Variants in SPG7 observed in about 807,000 individuals in gnomAD.
The protein encoded by SPG7 is mitochondrial inner membrane m-AAA protease component paraplegin.
Under a neutral mutation model 81.9 loss-of-function variants are expected in SPG7, and 103 were observed. That is an observed-to-expected ratio of 1.26 (90% CI 1.07 to 1.48). The LOEUF is 1.48. SPG7 is among the 40% of genes most tolerant of loss of function. SPG7 has a pLI of 0.00. For synonymous variants in SPG7, 534 were observed against 444.2 expected, an observed-to-expected ratio of 1.20 and a Z score of -2.54; for missense variants, 1,241 against 1,087.3, an observed-to-expected ratio of 1.14 and a Z score of -1.99.
At position 89,529,472 on chromosome 16, in the gene SPG7, G is replaced by C. The variant is rs376467458; in HGVS notation, c.759-5G>C. On this transcript the variant is annotated splice_polypyrimidine_tract_variant and splice_region_variant and intron_variant, in intron 5 of 16. Coordinates refer to ENST00000645818, the MANE Select transcript of SPG7 (RefSeq NM_003119.4). ...GCCTGTGCCTGCCTCTCTTTCTTCCGGCAGTGCCCTGTACTCTGTGGGGAT... is the reference window on the plus strand; with the variant it reads ...GCCTGTGCCTGCCTCTCTTTCTTCCCGCAGTGCCCTGTACTCTGTGGGGAT... The C allele has an allele frequency of 6.2e-7, 1 of 1,607,232 alleles. No individual in the cohort carries two copies. The highest frequency in any genetic ancestry group is 1.7e-4 in the Middle Eastern group (1 of 5,892).
chr16:89,537,133 C>G, intron 9 of SPG7: 1 of 1,468,544 alleles, frequency 6.8e-7, no homozygotes, highest in Non-Finnish European at 9.0e-7. Flanking sequence ...CTGCCGAGGT[C>G]CCAGGCCAGG....
chr16:89,538,932 G>A (rs2152406888), intron 9 of SPG7: 1 of 150,384 alleles, frequency 6.6e-6, no homozygotes, highest in South Asian at 2.1e-4. Context: ...AGGTCCCAGT[G>A]ATGGTGGACC....
chr16:89,523,909 T>A (rs775005210), intron 3 of SPG7, 97 bp from the exon 4 acceptor site: 1 of 1,494,118 alleles, frequency 6.7e-7, no homozygotes, highest in East Asian at 2.3e-5. Context: ...ACGCTGCCCC[T>A]CCCCGTCCAG....
intron 7 of SPG7, 174 bp from the exon 8 acceptor site, chr16:89,531,730 C>G: frequency 1.5e-6 from 1 of 669,036 alleles, no homozygotes; most frequent in Non-Finnish European, 2.7e-6. Flanking sequence ...ATATTCCCAG[C>G]TACTCGAGAG....
intron 14 of SPG7, 161 bp downstream of exon 14, chr16:89,553,296 C>G: frequency 1.3e-6 from 1 of 770,450 alleles, no homozygotes; most frequent in Non-Finnish European, 2.2e-6. Context: ...AGAGTTGGAG[C>G]TAAGCAAGAC....
intron 6 of SPG7, chr16:89,530,142 CTT>C (rs1040551166): frequency 1.3e-4 from 32 of 244,172 alleles, no homozygotes; most frequent in African/African-American, 3.2e-4. Flanking sequence ...CCTGGCCTTT[CTT>C]TTTTGTGTGT....
Position 89,554,914 on chromosome 16 carries a change from T to A in SPG7, c.2181+351T>A, listed in dbSNP as rs1419058214. 2.3e-5 allele frequency: 6 copies of A among 259,212 alleles called. No homozygotes were observed. In the East Asian group the frequency reaches 6.3e-4, roughly 27 times the overall value. The allele number at this position is 259,212 out of a possible 1,614,324, so 16.1% of individuals were successfully genotyped here. A position where few individuals can be genotyped will look rare whatever the true frequency, so the allele number is the denominator to read the frequency against. On this transcript the variant is annotated intron_variant, in intron 16 of 16. Transcript: ENST00000645818. ...AAAGCTTTAATTTTAGAGTAGGAAT[T>A]TTTTTTTCTTTTTTTTTTTGAGACA... is the stretch of plus-strand genomic sequence containing the variant.
chr16:89,537,443 A>G (rs2058440785), intron 9 of SPG7: 6 of 1,018,114 alleles, frequency 5.9e-6, no homozygotes, highest in East Asian at 9.1e-5. Flanking sequence ...CCTCCCTTCA[A>G]CGTAGTCATC....
chr16:89,514,365 G>A (rs1597606651), intron 3 of SPG7: 1 of 131,012 alleles, frequency 7.6e-6, no homozygotes, highest in African/African-American at 3.0e-5. Flanking sequence ...CTGTTGCCCC[G>A]GCTGGAGTGC....
chr16:89,547,643 TA>T, intron 11 of SPG7: 1 of 341,142 alleles, frequency 2.9e-6, no homozygotes, highest in South Asian at 2.4e-5. Context: ...GACAGAGTCC[TA>T]CTCTGTCGCC....
At chr16:89,511,835 C>T (rs536911557) in intron 2 of SPG7, among the ~76,000 whole-genome samples, 1 of 152,324 alleles carries the variant, frequency 6.6e-6, no homozygotes, top group East Asian at 1.9e-4. Context: ...TCCTCCCACT[C>T]AGCGTCCTGA....
intron 4 of SPG7, among the ~76,000 whole-genome samples, chr16:89,525,060 G>C (rs2058243091): frequency 6.7e-6 from 1 of 148,314 alleles, no homozygotes; most frequent in Non-Finnish European, 1.5e-5. Context: ...CCTGGGCTCA[G>C]GTGATCTACC....
intron 10 of SPG7, 38 bp from the exon 11 acceptor site, chr16:89,546,620 C>T: frequency 2.2e-6 from 3 of 1,394,284 alleles, no homozygotes; most frequent in Non-Finnish European, 1.0e-6. Context: ...AGTAACTAGG[C>T]TTGAGCCCGA....
chr16:89,540,761 A>T, intron 9 of SPG7: 1 of 361,734 alleles, frequency 2.8e-6, no homozygotes, highest in Non-Finnish European at 3.8e-6. Context: ...CCCCGTGTCC[A>T]CATGCGCTCA....
chr16:89,550,455 G>C (rs2058622304), intron 12 of SPG7, 39 bp from the exon 13 acceptor site: 1 of 1,464,304 alleles, frequency 6.8e-7, no homozygotes, highest in South Asian at 1.1e-5. Flanking sequence ...TTACAGGCGT[G>C]AGCCACCGCG....
At chr16:89,536,496 C>CGGGCG (rs1567918832) in intron 9 of SPG7, among the ~76,000 whole-genome samples, 1,087 of 43,506 alleles carry the variant, frequency 0.025, 269 homozygotes, top group Middle Eastern at 0.088. Context: ...TCAGGTGAGG[C>CGGGCG]AGGTGAGGTG....
chr16:89,547,731 G>A (rs750812392), intron 11 of SPG7: 3 of 422,774 alleles, frequency 7.1e-6, no homozygotes, highest in East Asian at 5.1e-5. Context: ...TCCTGCCTCA[G>A]CCTCCTGAGT....
intron 3 of SPG7, chr16:89,518,587 A>G (rs1046400218): frequency 6.6e-6 from 1 of 151,728 alleles, no homozygotes; most frequent in Non-Finnish European, 1.5e-5. Flanking sequence ...GTGAACCCAG[A>G]AGGAATTACA....
At chr16:89,545,831 A>AT (rs929418954) in intron 10 of SPG7, 4 of 411,280 alleles carry the variant, frequency 9.7e-6, no homozygotes, top group African/African-American at 2.1e-5. Context: ...TTCTGCTATA[A>AT]TTTTTTCTTT....
Sources: allele counts gnomAD v4.1 joint callset (sites outside exome capture counted in the v4.1 genomes callset), GRCh38; gene constraint gnomAD v4.1.1; transcripts MANE v1.5; gene names NCBI Gene and HGNC (gene_info 2026-07-23, HGNC 2026-07-21).